SGCZ: variants seen among roughly 807,000 people sequenced by gnomAD.
SGCZ encodes the protein sarcoglycan zeta.
SGCZ carries 40 observed loss-of-function variants against 41.3 expected under a neutral mutation model. The observed-to-expected ratio is 0.97, with a 90% CI of 0.75 to 1.26. The LOEUF (loss-of-function observed/expected upper bound fraction) is 1.26. SGCZ is among the 50% of genes most tolerant of loss of function. SGCZ has a pLI of 0.00. For synonymous variants in SGCZ, 206 were observed against 137.5 expected (o/e 1.50, Z -3.49); for missense variants, 552 against 369.8 (o/e 1.49, Z -4.04).
intron 1 of SGCZ, among the ~76,000 whole-genome samples, chr8:15,050,219 T>C (rs768637909): frequency 1.3e-5 from 2 of 152,174 alleles, no homozygotes; most frequent in Non-Finnish European, 2.9e-5. Context: ...TGGTACCATA[T>C]GTAGGCATGA....
At chr8:14,409,299 G>T (rs1374320859) in intron 2 of SGCZ, among the ~76,000 whole-genome samples, 1 of 152,080 alleles carries the variant, frequency 6.6e-6, no homozygotes, top group African/African-American at 2.4e-5. Flanking sequence ...TCACATGTAT[G>T]TATAGGAGGG....
intron 1 of SGCZ, among the ~76,000 whole-genome samples, chr8:14,870,033 C>G (rs1563327694): frequency 6.6e-6 from 1 of 152,078 alleles, no homozygotes; most frequent in African/African-American, 2.4e-5. Context: ...ACTGCTATCC[C>G]CATCAAGCTA....
chr8:15,003,939 C>T (rs1020229624), intron 1 of SGCZ, among the ~76,000 whole-genome samples: 3 of 152,052 alleles, frequency 2.0e-5, no homozygotes, highest in Non-Finnish European at 2.9e-5. Context: ...TCTCATGCTC[C>T]CACAACTACC....
chr8:14,767,711 C>A (rs1800085623), intron 1 of SGCZ, among the ~76,000 whole-genome samples: 9 of 152,148 alleles, frequency 5.9e-5, no homozygotes, highest in Non-Finnish European at 2.9e-5. Context: ...AAAGACAGTG[C>A]CAACAGGTGG....
chr8:14,652,351 G>A (rs1458237117), intron 1 of SGCZ, among the ~76,000 whole-genome samples: 1 of 102,698 alleles, frequency 9.7e-6, no homozygotes, highest in Non-Finnish European at 2.2e-5. Flanking sequence ...AAAAAAGGGG[G>A]GGGTGTGGGG....
intron 7 of SGCZ, among the ~76,000 whole-genome samples, chr8:14,100,571 T>A: frequency 7.7e-6 from 1 of 129,908 alleles, no homozygotes; most frequent in Non-Finnish European, 1.6e-5. Context: ...TATATATTAA[T>A]ATATTTTCAA....
intron 4 of SGCZ, among the ~76,000 whole-genome samples, chr8:14,206,185 G>C (rs1026453358): frequency 6.6e-6 from 1 of 151,994 alleles, no homozygotes; most frequent in Non-Finnish European, 1.5e-5. Flanking sequence ...TATCCTTATA[G>C]TATGATCTAA....
intron 1 of SGCZ, among the ~76,000 whole-genome samples, chr8:15,153,218 T>C (rs890580077): frequency 1.3e-5 from 2 of 151,654 alleles, no homozygotes; most frequent in African/African-American, 4.8e-5. Context: ...ATTAATTCTC[T>C]TGTAAATCCA....
At chr8:14,853,764 A>G (rs1186775927) in intron 1 of SGCZ, among the ~76,000 whole-genome samples, 1 of 152,000 alleles carries the variant, frequency 6.6e-6, no homozygotes, top group Non-Finnish European at 1.5e-5. Context: ...AGAGGAAGGG[A>G]GAAAAATAAA....
chr8:14,436,687 C>T (rs1413351374), intron 2 of SGCZ, among the ~76,000 whole-genome samples: 2 of 152,196 alleles, frequency 1.3e-5, no homozygotes, highest in African/African-American at 4.8e-5. Context: ...ATTCGCACTG[C>T]AGTAACAGTT....
intron 1 of SGCZ, among the ~76,000 whole-genome samples, chr8:15,095,107 T>G (rs1258852615): frequency 1.3e-5 from 2 of 152,122 alleles, no homozygotes; most frequent in Non-Finnish European, 2.9e-5. Flanking sequence ...TTTTATCTTA[T>G]TTTTTTGTGA....
chr8:14,592,116 C>T (rs1585106883), intron 1 of SGCZ, among the ~76,000 whole-genome samples: 1 of 152,120 alleles, frequency 6.6e-6, no homozygotes, highest in Non-Finnish European at 1.5e-5. Flanking sequence ...GCTTTTCCCA[C>T]TTGTCTGTTT....
At chr8:14,636,220 A>T (rs550648350) in intron 1 of SGCZ, among the ~76,000 whole-genome samples, 1 of 152,010 alleles carries the variant, frequency 6.6e-6, no homozygotes, top group East Asian at 1.9e-4. Context: ...TTTGTTATAG[A>T]GAAGCTGGTA....
chr8:15,050,355 G>C (rs73665375), intron 1 of SGCZ, among the ~76,000 whole-genome samples: 9,508 of 152,242 alleles, frequency 0.062, 363 homozygotes, highest in Middle Eastern at 0.11. Context: ...TGTGAAATTG[G>C]GAAGAGCTAA....
chr8:14,207,685 G>A (rs1164664164), intron 4 of SGCZ, among the ~76,000 whole-genome samples: 1 of 152,114 alleles, frequency 6.6e-6, no homozygotes, highest in South Asian at 2.1e-4. Context: ...AGTATGTGTA[G>A]ATTGCCAAAT....
At chr8:14,880,954 TA>T (rs139241404) in intron 1 of SGCZ, among the ~76,000 whole-genome samples, 11,850 of 146,972 alleles carry the variant, frequency 0.081, 624 homozygotes, top group African/African-American at 0.15. Context: ...TAAAGTATAA[TA>T]AAAAAAAAAG....
At chr8:15,145,204 C>T (rs1285170433) in intron 1 of SGCZ, among the ~76,000 whole-genome samples, 1 of 152,172 alleles carries the variant, frequency 6.6e-6, no homozygotes, top group Non-Finnish European at 1.5e-5. Flanking sequence ...CAGCCATGTT[C>T]ATTATACATT....
intron 2 of SGCZ, among the ~76,000 whole-genome samples, chr8:14,419,883 G>A (rs1201047020): frequency 1.3e-5 from 2 of 151,966 alleles, no homozygotes; most frequent in Admixed American, 6.6e-5. Flanking sequence ...AATTATTAGC[G>A]TTTGTTTCTA....
At chr8:14,365,373 A>T (rs1803663887) in intron 2 of SGCZ, among the ~76,000 whole-genome samples, 1 of 152,078 alleles carries the variant, frequency 6.6e-6, no homozygotes, top group East Asian at 1.9e-4. Context: ...TTATTCATTG[A>T]ACAATGCCTT....
Sources: gnomAD v4.1 joint callset for allele counts (sites outside exome capture counted in the v4.1 genomes callset) on GRCh38, gnomAD v4.1.1 for gene constraint, MANE v1.5 for transcripts, NCBI Gene and HGNC (gene_info 2026-07-23, HGNC 2026-07-21) for gene names.